The following CACNA1C variants were observed in gnomAD, a reference collection of about 807,000 sequenced individuals.
The protein encoded by CACNA1C is calcium voltage-gated channel subunit alpha1 C.
In CACNA1C, 30 loss-of-function variants were observed where a neutral mutation model predicts 229.0. That is an observed-to-expected ratio of 0.13 (90% CI 0.10 to 0.18). CACNA1C has a LOEUF of 0.18. Among genes scored for constraint, CACNA1C ranks in the 10% least tolerant of loss-of-function variants. The pLI is 1.00. For synonymous variants in CACNA1C, 1,114 were observed against 1,132.5 expected (o/e 0.98, Z 0.33); for missense variants, 1,658 against 2,845.0 (o/e 0.58, Z 9.49).
chr12:2,030,803 A>G (rs1045165173), intron 1 of CACNA1C, among the ~76,000 whole-genome samples: 1 of 152,240 alleles, frequency 6.6e-6, no homozygotes, highest in Non-Finnish European at 1.5e-5. Flanking sequence ...CTGAAGGAGC[A>G]GGGAGCTTGG....
intron 1 of CACNA1C, among the ~76,000 whole-genome samples, chr12:2,012,181 A>G (rs1404149195): frequency 5.3e-5 from 8 of 152,202 alleles, no homozygotes; most frequent in African/African-American, 1.7e-4. Context: ...GTCAGGAGCT[A>G]GAACTCTAAT....
At chr12:2,524,586 A>C (rs1210457909) in intron 9 of CACNA1C, among the ~76,000 whole-genome samples, 3 of 152,282 alleles carry the variant, frequency 2.0e-5, no homozygotes, top group Admixed American at 2.0e-4. Flanking sequence ...GTGGAGTGTG[A>C]GCTGGGGATG....
intron 1 of CACNA1C, among the ~76,000 whole-genome samples, chr12:2,043,804 C>A (rs1383263539): frequency 7.4e-6 from 1 of 134,868 alleles, no homozygotes; most frequent in African/African-American, 3.0e-5. Context: ...TACAGGCGCC[C>A]GCCATTGCGC....
chr12:2,458,444 C>T (rs930627617), intron 5 of CACNA1C, among the ~76,000 whole-genome samples: 2 of 152,228 alleles, frequency 1.3e-5, no homozygotes, highest in African/African-American at 4.8e-5. Context: ...CGCAAGCAAA[C>T]CCCAGCCCAA....
intron 3 of CACNA1C, among the ~76,000 whole-genome samples, chr12:2,330,657 C>T (rs1220638221): frequency 1.3e-5 from 2 of 152,168 alleles, no homozygotes. Flanking sequence ...TTTTACCCTG[C>T]AACCTTTATA....
At chr12:2,480,837 AT>A (rs1433544047) in intron 5 of CACNA1C, among the ~76,000 whole-genome samples, 3 of 152,234 alleles carry the variant, frequency 2.0e-5, no homozygotes, top group African/African-American at 7.2e-5. Context: ...TGAAATGTTC[AT>A]GCCTAAACAC....
intron 3 of CACNA1C, among the ~76,000 whole-genome samples, chr12:2,344,708 G>A (rs116850007): frequency 1.1e-3 from 169 of 152,162 alleles, no homozygotes; most frequent in Middle Eastern, 3.4e-3. Flanking sequence ...GTCCCTGTGT[G>A]TGTGGAGGCT....
chr12:2,432,165 T>G (rs1053256049), intron 3 of CACNA1C, among the ~76,000 whole-genome samples: 1 of 152,216 alleles, frequency 6.6e-6, no homozygotes, highest in African/African-American at 2.4e-5. Context: ...CAGCAAACAC[T>G]TTTTAAATTA....
chr12:2,597,609 A>G lies in CACNA1C; in HGVS notation c.2853+320A>G. ...TTCACTCTCTCTTTTCTTTACTCCC[A>G]AGCCTGAAATTGGAAAAATGAGTGC... On this transcript the variant is annotated intron_variant, in intron 21 of 46. Transcript: ENST00000399655. The surrounding 1 kb of genome is among the most constrained non-coding windows in gnomAD (Gnocchi z 4.3). The G allele has an allele frequency of 2.5e-6, 2 of 805,256 alleles. No individual in the cohort carries two copies. Among genetic ancestry groups the G allele is most frequent in the Non-Finnish European group, 4.2e-6 (2 of 478,986 alleles). 49.9% of individuals were successfully genotyped at this position (805,256 alleles called of 1,614,324 possible).
chr12:2,375,896 C>T (rs1256114936), intron 3 of CACNA1C, among the ~76,000 whole-genome samples: 1 of 152,190 alleles, frequency 6.6e-6, no homozygotes, highest in Non-Finnish European at 1.5e-5. Flanking sequence ...GAGCTGTCTT[C>T]CTTCCCTGGG....
intron 29 of CACNA1C, chr12:2,612,962 C>T (rs1013830457): frequency 1.3e-5 from 2 of 152,336 alleles, no homozygotes; most frequent in African/African-American, 2.4e-5. Flanking sequence ...ACAATCTCTC[C>T]AGCTTACTGA....
chr12:2,033,964 AGTG>A (rs2154492693), intron 1 of CACNA1C, among the ~76,000 whole-genome samples: 1 of 152,202 alleles, frequency 6.6e-6, no homozygotes, highest in Admixed American at 6.5e-5. Flanking sequence ...AGGATGGGAG[AGTG>A]GCTCATGTTC....
At chr12:2,404,550 G>A (rs944202277) in intron 3 of CACNA1C, among the ~76,000 whole-genome samples, 1 of 152,106 alleles carries the variant, frequency 6.6e-6, no homozygotes, top group African/African-American at 2.4e-5. Flanking sequence ...GGCAGGATTC[G>A]AGTTCCTCTC....
intron 3 of CACNA1C, among the ~76,000 whole-genome samples, chr12:2,383,066 C>T (rs955648806): frequency 3.3e-5 from 5 of 152,212 alleles, no homozygotes; most frequent in South Asian, 2.1e-4. Context: ...CAAGTCCCAG[C>T]ACTATCATTA....
intron 3 of CACNA1C, among the ~76,000 whole-genome samples, chr12:2,182,072 G>A (rs1338985565): frequency 6.8e-6 from 1 of 146,402 alleles, no homozygotes; most frequent in Non-Finnish European, 1.5e-5. Context: ...GGGAGGTATT[G>A]GAGAAGGGAT....
At chr12:2,326,964 A>G (rs1405820182) in intron 3 of CACNA1C, among the ~76,000 whole-genome samples, 1 of 152,192 alleles carries the variant, frequency 6.6e-6, no homozygotes, top group Non-Finnish European at 1.5e-5. Context: ...GTGCCATGGC[A>G]GATATATCAG....
rs753388569 is a variant in CACNA1C, at chr12:2,679,622, G to T, written c.5270G>T (p.Ser1757Ile). ...GTGGACTCCACCTTCACCCCGAGCA[G>T]CTACTCGTCCACCGGCTCCAACGCC... ...KLVDSTFTPS[S>I]YSSTGSNANI... is the part of the protein sequence containing the mutation. The change falls in exon 42 of 47, where the codon AGC (serine) becomes ATC (isoleucine). Residue 1757 changes from serine (S) to isoleucine (I), a missense_variant. Physicochemically the swap from Ser to Ile is moderately radical, Grantham distance 142. Coordinates refer to ENST00000399655, the MANE Select transcript of CACNA1C (RefSeq NM_000719.7). The surrounding 1 kb of genome is among the most constrained non-coding windows in gnomAD (Gnocchi z 5.5). 6.2e-7 allele frequency: 1 copy of T among 1,613,908 alleles called. No individual in the cohort carries two copies. Among genetic ancestry groups the T allele is most frequent in the South Asian group, 1.1e-5 (1 of 91,050 alleles).
chr12:2,679,821 G>C lies in CACNA1C; in HGVS notation c.5444+25G>C, dbSNP rs919505506. 1 of 1,491,180 alleles carries C rather than the reference G, an allele frequency of 6.7e-7. No homozygotes were observed. The highest frequency in any genetic ancestry group is 1.4e-5 in the African/African-American group (1 of 72,084). 92.4% of individuals were successfully genotyped at this position (1,491,180 alleles called of 1,614,324 possible). ...GGTAAGTGGGAGGCTGGCCACCCCA[G>C]GCGGCACACAGGGCCCACGTGCTGC... On this transcript the variant is annotated intron_variant, in intron 42 of 46. Transcript: ENST00000399655. The surrounding 1 kb of genome is among the most constrained non-coding windows in gnomAD (Gnocchi z 5.5).
At chr12:2,318,428 A>G (rs1592645622) in intron 3 of CACNA1C, among the ~76,000 whole-genome samples, 2 of 152,244 alleles carry the variant, frequency 1.3e-5, no homozygotes, top group Non-Finnish European at 2.9e-5. Flanking sequence ...CCACATCCCC[A>G]GTAAAATCAA....
Sources: gnomAD v4.1 joint callset for allele counts (sites outside exome capture counted in the v4.1 genomes callset) on GRCh38, gnomAD v4.1.1 for gene constraint, Gnocchi (gnomAD v3.1) non-coding constraint, MANE v1.5 for transcripts, NCBI Gene and HGNC (gene_info 2026-07-23, HGNC 2026-07-21) for gene names.